TXLNB: variants seen among roughly 807,000 people sequenced by gnomAD.
TXLNB encodes the protein beta-taxilin.
In TXLNB, 37 loss-of-function variants were observed where a neutral mutation model predicts 57.4. The ratio of observed to expected loss-of-function variants is 0.64; its 90% CI spans 0.50 to 0.85. The LOEUF (loss-of-function observed/expected upper bound fraction) is 0.85. TXLNB is among the 40% of genes least tolerant of loss of function. TXLNB has a pLI of 0.00. For missense variants in TXLNB, 848 were observed against 825.6 expected, an observed-to-expected ratio of 1.03 and a Z score of -0.33; for synonymous variants, 302 against 309.6, an observed-to-expected ratio of 0.98 and a Z score of 0.26.
At chr6:139,218,916 A>C in the TXLNB span, among the ~76,000 whole-genome samples, 5 of 152,180 alleles carry the variant, frequency 3.3e-5, no homozygotes, top group African/African-American at 1.2e-4. Flanking sequence ...CCCTGGAGAT[A>C]TACTCTCTGT....
At chr6:139,207,630 G>T in the TXLNB span, among the ~76,000 whole-genome samples, 23 of 152,212 alleles carry the variant, frequency 1.5e-4, no homozygotes, top group African/African-American at 4.1e-4. Flanking sequence ...AAATAACAAA[G>T]ATCATAGCAG....
rs1255945144 is a variant in TXLNB, at chr6:139,242,459, C to T, written c.*67G>A. ...CATCTCTAGCCCTTAATGCCTTTTT[C>T]GGAAGACAAGCTGTTATGCTGAATA... On this transcript the variant is annotated 3_prime_UTR_variant, in exon 10 of 10. Coordinates refer to ENST00000358430, the MANE Select transcript of TXLNB (RefSeq NM_153235.4). 6.1e-5 allele frequency: 83 copies of T among 1,367,540 alleles called. No individual in the cohort carries two copies. The highest frequency in any genetic ancestry group is 7.5e-5 in the Non-Finnish European group (78 of 1,042,512). The allele number at this position is 1,367,540 out of a possible 1,614,324, so 84.7% of individuals were successfully genotyped here.
chr6:139,323,795 G>C, the TXLNB span, among the ~76,000 whole-genome samples: 1 of 152,220 alleles, frequency 6.6e-6, no homozygotes, highest in East Asian at 1.9e-4. Flanking sequence ...TTACCTCCGG[G>C]CTTCCGTTGG....
the TXLNB span, among the ~76,000 whole-genome samples, chr6:139,185,557 C>A: frequency 6.6e-6 from 1 of 152,056 alleles, no homozygotes; most frequent in Non-Finnish European, 1.5e-5. Flanking sequence ...AAAAATTAGC[C>A]GGACGTGGTG....
chr6:139,233,508 C>A, the TXLNB span, among the ~76,000 whole-genome samples: 1 of 151,554 alleles, frequency 6.6e-6, no homozygotes, highest in Non-Finnish European at 1.5e-5. Flanking sequence ...AGGAACATGG[C>A]TCATTGCTTC....
chr6:139,224,378 C>T, the TXLNB span, among the ~76,000 whole-genome samples: 1 of 150,644 alleles, frequency 6.6e-6, no homozygotes, highest in Non-Finnish European at 1.5e-5. Flanking sequence ...AGTGCACCAG[C>T]ATGGCACATG....
chr6:139,307,948 G>A, the TXLNB span, among the ~76,000 whole-genome samples: 6 of 151,962 alleles, frequency 3.9e-5, no homozygotes, highest in Non-Finnish European at 8.8e-5. Context: ...GTGGAAGTGG[G>A]TTGACACTTC....
intron 7 of TXLNB, among the ~76,000 whole-genome samples, chr6:139,252,514 A>C (rs987056925): frequency 2.6e-5 from 4 of 152,164 alleles, no homozygotes; most frequent in Non-Finnish European, 5.9e-5. Context: ...AAGACAAAGG[A>C]GGGTTCTTGC....
chr6:139,199,829 G>A, the TXLNB span: 1 of 152,238 alleles, frequency 6.6e-6, no homozygotes, highest in African/African-American at 2.4e-5. Context: ...AGTGGTGGGT[G>A]GAGACTAAAA....
At chr6:139,164,115 A>G in the TXLNB span, among the ~76,000 whole-genome samples, 1 of 150,556 alleles carries the variant, frequency 6.6e-6, no homozygotes, top group African/African-American at 2.5e-5. Context: ...ATCTTCTCAC[A>G]CTGCTCCTGA....
At chr6:139,273,922 C>G (rs1299159267) in intron 3 of TXLNB, among the ~76,000 whole-genome samples, 3 of 152,202 alleles carry the variant, frequency 2.0e-5, no homozygotes, top group African/African-American at 7.2e-5. Context: ...TACTGCCTAG[C>G]TTCAATCAAA....
At chr6:139,188,210 AT>A in the TXLNB span, among the ~76,000 whole-genome samples, 3 of 152,124 alleles carry the variant, frequency 2.0e-5, no homozygotes, top group Non-Finnish European at 2.9e-5. Flanking sequence ...GCTTTACTTT[AT>A]GTCTCTCAAA....
At chr6:139,197,191 A>G in the TXLNB span, among the ~76,000 whole-genome samples, 1 of 152,148 alleles carries the variant, frequency 6.6e-6, no homozygotes, top group Non-Finnish European at 1.5e-5. Context: ...GTTTTTCTCA[A>G]TTAGGTCTTT....
downstream of TXLNB, among the ~76,000 whole-genome samples, chr6:139,238,741 C>T (rs1215971614): frequency 1.3e-5 from 2 of 152,204 alleles, no homozygotes; most frequent in Non-Finnish European, 2.9e-5. Flanking sequence ...AACCCTTATG[C>T]CTCACTCGCC....
chr6:139,272,497 A>G (rs1303456071), intron 3 of TXLNB, among the ~76,000 whole-genome samples: 1 of 152,208 alleles, frequency 6.6e-6, no homozygotes, highest in East Asian at 1.9e-4. Flanking sequence ...CTTCATACTT[A>G]TGTGCAATTT....
At chr6:139,297,329 T>C in the TXLNB span, among the ~76,000 whole-genome samples, 2 of 152,178 alleles carry the variant, frequency 1.3e-5, no homozygotes, top group African/African-American at 2.4e-5. Context: ...AGTCCAGTAA[T>C]GAAATGACCT....
chr6:139,288,550 C>T lies in TXLNB; in HGVS notation c.350G>A (p.Gly117Glu), dbSNP rs143124528. The change falls in exon 2 of 10, where the codon GGA (glycine) becomes GAA (glutamate). Residue 117 changes from glycine to glutamate, a missense_variant. Gly to Glu is a moderately conservative substitution (Grantham distance 98). Transcript: ENST00000358430. ...EEAGREPVAS[G>E]EPPTVKEPVS... ...GGGCTCTTTGACAGTGGGTGGCTCTCCAGAAGCAACGGGTTCTCTTCCAGC... is the reference window on the plus strand; with the variant it reads ...GGGCTCTTTGACAGTGGGTGGCTCTTCAGAAGCAACGGGTTCTCTTCCAGC... 2,931 of 1,614,190 alleles carry T rather than the reference C, an allele frequency of 1.8e-3. 2 individuals are homozygous for T. Among genetic ancestry groups the T allele is most frequent in the Non-Finnish European group, 2.3e-3 (2,732 of 1,180,042 alleles).
upstream of TXLNB, among the ~76,000 whole-genome samples, chr6:139,296,821 G>A (rs562228247): frequency 1.8e-4 from 28 of 152,226 alleles, no homozygotes; most frequent in Admixed American, 4.6e-4. Flanking sequence ...ACAGGGGCGG[G>A]CGAGAGGATC....
the TXLNB span, among the ~76,000 whole-genome samples, chr6:139,167,499 C>T: frequency 1.3e-5 from 2 of 152,164 alleles, no homozygotes; most frequent in African/African-American, 4.8e-5. Context: ...ATTTTTTACT[C>T]TGATGTCACA....
Sources: allele counts gnomAD v4.1 joint callset (sites outside exome capture counted in the v4.1 genomes callset), GRCh38; gene constraint gnomAD v4.1.1; transcripts MANE v1.5; gene names NCBI Gene and HGNC (gene_info 2026-07-23, HGNC 2026-07-21).